KHDC1: variants seen among roughly 807,000 people sequenced by gnomAD.
The protein encoded by KHDC1 is KH homology domain-containing protein 1.
KHDC1 carries 21 observed loss-of-function variants against 24.7 expected under a neutral mutation model. That is an observed-to-expected ratio of 0.85 (90% CI 0.60 to 1.23). The LOEUF is 1.23. KHDC1 is among the 50% of genes most tolerant of loss of function. The pLI is 0.00. For missense variants in KHDC1, 274 were observed against 298.5 expected (o/e 0.92, Z 0.61); for synonymous variants, 98 against 111.7 (o/e 0.88, Z 0.77).
At chr6:73,292,982 C>T in intron 1 of KHDC1, 1 of 938,616 alleles carries the variant, frequency 1.1e-6, no homozygotes, top group South Asian at 1.3e-5. Context: ...CTGTCACATC[C>T]ACCAGTGTAT....
At chr6:73,285,937 A>G (rs1272233116) in intron 2 of KHDC1, among the ~76,000 whole-genome samples, 1 of 152,172 alleles carries the variant, frequency 6.6e-6, no homozygotes. Context: ...TAAAAGACAA[A>G]CTGGAAAGGC....
chr6:73,298,646 G>C (rs1271522034), intron 1 of KHDC1, among the ~76,000 whole-genome samples: 1 of 151,756 alleles, frequency 6.6e-6, no homozygotes, highest in Non-Finnish European at 1.5e-5. Flanking sequence ...ATGTCCGTCA[G>C]GGTCAGGATC....
At chr6:73,247,526 G>T (rs929058233) in intron 2 of KHDC1, among the ~76,000 whole-genome samples, 11 of 152,112 alleles carry the variant, frequency 7.2e-5, no homozygotes, top group African/African-American at 2.7e-4. Flanking sequence ...CCTCAGCTGA[G>T]CCCCTTTCTG....
At chr6:73,279,815 A>G (rs865803557) in intron 2 of KHDC1, among the ~76,000 whole-genome samples, 1 of 152,098 alleles carries the variant, frequency 6.6e-6, no homozygotes, top group African/African-American at 2.4e-5. Context: ...AGCTTATGCA[A>G]TCCACTCACC....
exon 5 of KHDC1, chr6:73,241,414 A>T: frequency 5.4e-6 from 5 of 918,490 alleles, no homozygotes; most frequent in Non-Finnish European, 8.8e-6. Flanking sequence ...CCTGAGAGGG[A>T]CAGGTCCCGG....
chr6:73,248,041 C>T (rs1766700345), intron 2 of KHDC1, among the ~76,000 whole-genome samples: 2 of 152,022 alleles, frequency 1.3e-5, no homozygotes, highest in African/African-American at 4.8e-5. Context: ...GCTGTTTCCC[C>T]CAGAGTGGAG....
At chr6:73,267,498 G>A (rs1234048909) in intron 2 of KHDC1, among the ~76,000 whole-genome samples, 1 of 151,778 alleles carries the variant, frequency 6.6e-6, no homozygotes, top group East Asian at 1.9e-4. Context: ...AAAGAAAAAA[G>A]AAAAGAAAAA....
At chr6:73,281,252 T>A (rs1468982164) in intron 2 of KHDC1, among the ~76,000 whole-genome samples, 2 of 151,418 alleles carry the variant, frequency 1.3e-5, no homozygotes, top group Non-Finnish European at 1.5e-5. Context: ...GGCAGGAGAA[T>A]CACTTGAACC....
rs558151060 is a variant in KHDC1, at chr6:73,277,465, C to A, written c.206+14533G>T. Among the ~76,000 whole-genome samples, 4 of 150,900 alleles carry A rather than the reference C, an allele frequency of 2.7e-5. No homozygotes were observed. The East Asian group carries it at 5.9e-4, about 22-fold the overall frequency. On this transcript the variant is annotated intron_variant, in intron 2 of 4. Coordinates refer to ENST00000370384, the Ensembl canonical transcript of KHDC1. ...GGGTGACAGAGCAAGACTCTGTCTC[C>A]AAAAAAAACAGAACAAGTCTGTCAT...
chr6:73,307,944 G>T (rs1319495320), intron 1 of KHDC1, among the ~76,000 whole-genome samples: 8 of 152,080 alleles, frequency 5.3e-5, no homozygotes, highest in Admixed American at 5.2e-4. Context: ...CTGTCGCCCA[G>T]GCTGGAGTGC....
intron 2 of KHDC1, among the ~76,000 whole-genome samples, chr6:73,287,451 C>G (rs1213730104): frequency 2.6e-5 from 4 of 152,126 alleles, no homozygotes; most frequent in Non-Finnish European, 5.9e-5. Context: ...ATCTGTACAT[C>G]AAAGAAATCA....
At chr6:73,266,649 A>C (rs1280764943) in intron 2 of KHDC1, among the ~76,000 whole-genome samples, 1 of 152,240 alleles carries the variant, frequency 6.6e-6, no homozygotes, top group Non-Finnish European at 1.5e-5. Context: ...CCTAAATGTA[A>C]AACTGTTAGA....
intron 2 of KHDC1, among the ~76,000 whole-genome samples, chr6:73,255,659 T>G (rs1364014710): frequency 6.7e-6 from 1 of 148,226 alleles, no homozygotes; most frequent in Non-Finnish European, 1.5e-5. Context: ...CCCAGCACTT[T>G]GGGAGGCCGA....
At chr6:73,255,022 A>G (rs1766856466) in intron 2 of KHDC1, among the ~76,000 whole-genome samples, 1 of 151,774 alleles carries the variant, frequency 6.6e-6, no homozygotes, top group Non-Finnish European at 1.5e-5. Context: ...AAAAAAAAAG[A>G]AACAGGTTTC....
At chr6:73,297,443 TTGTC>T (rs1387605262) in intron 1 of KHDC1, among the ~76,000 whole-genome samples, 1 of 152,158 alleles carries the variant, frequency 6.6e-6, no homozygotes, top group African/African-American at 2.4e-5. Flanking sequence ...TCTTTTGCCT[TTGTC>T]AGTAATGCTG....
intron 2 of KHDC1, chr6:73,268,254 C>G (rs1178408233): frequency 6.6e-6 from 1 of 152,652 alleles, no homozygotes; most frequent in African/African-American, 2.4e-5. Flanking sequence ...GAGTGTGTTA[C>G]AGCTCTTAAG....
chr6:73,274,249 T>C (rs1002840008), intron 2 of KHDC1: 2 of 152,254 alleles, frequency 1.3e-5, no homozygotes, highest in African/African-American at 2.4e-5. Flanking sequence ...ATTCTACATT[T>C]TTGCAAATAT....
At position 73,242,531 on chromosome 6, in the gene KHDC1, C is replaced by G; in HGVS notation, c.207-1G>C. ...TCCCATGTCCATGCTCTGCTCCGACCTGATACAGAATAGGGCCAAGTCCAA... is the reference window on the plus strand; with the variant it reads ...TCCCATGTCCATGCTCTGCTCCGACGTGATACAGAATAGGGCCAAGTCCAA... On this transcript the variant is annotated splice_acceptor_variant, in intron 2 of 4. Coordinates refer to ENST00000370384, the Ensembl canonical transcript of KHDC1. LOFTEE classifies it high-confidence loss of function. 6.2e-7 allele frequency: 1 copy of G among 1,614,088 alleles called. No individual in the cohort carries two copies. The highest frequency in any genetic ancestry group is 1.3e-5 in the African/African-American group (1 of 75,034).
At chr6:73,252,295 C>T (rs1029279633) in intron 2 of KHDC1, among the ~76,000 whole-genome samples, 17 of 152,068 alleles carry the variant, frequency 1.1e-4, no homozygotes, top group South Asian at 6.2e-4. Context: ...CTGCCCTCGT[C>T]GACCTCCCAA....
Sources: allele counts gnomAD v4.1 joint callset (sites outside exome capture counted in the v4.1 genomes callset), GRCh38; gene constraint gnomAD v4.1.1; transcripts MANE v1.5; gene names NCBI Gene and HGNC (gene_info 2026-07-23, HGNC 2026-07-21).